The following PIP4K2A variants were observed in gnomAD, a reference collection of about 807,000 sequenced individuals.
PIP4K2A encodes the protein phosphatidylinositol-5-phosphate 4-kinase type 2 alpha, also known as phosphatidylinositol 5-phosphate 4-kinase type-2 alpha.
A neutral mutation model predicts 42.9 loss-of-function variants in PIP4K2A; 14 were observed. That is an observed-to-expected ratio of 0.33 (90% CI 0.22 to 0.51). The LOEUF (loss-of-function observed/expected upper bound fraction) is 0.51, where lower values mean the gene tolerates loss of function less well. Among genes scored for constraint, PIP4K2A ranks in the 20% least tolerant of loss-of-function variants. The probability of loss-of-function intolerance (pLI) is 0.97; values close to 1 mark genes in which losing one functional copy is unlikely to be tolerated. For missense variants in PIP4K2A, 434 were observed against 519.8 expected (o/e 0.83, Z 1.61); for synonymous variants, 192 against 192.2 (o/e 1.00, Z 0.01).
At chr10:22,590,057 G>A (rs956234505) in intron 4 of PIP4K2A, among the ~76,000 whole-genome samples, 2 of 152,148 alleles carry the variant, frequency 1.3e-5, no homozygotes, top group African/African-American at 2.4e-5. Flanking sequence ...AGTGACAGAA[G>A]AGTGCTTTTG....
chr10:22,552,000 G>A (rs942282285), intron 6 of PIP4K2A, among the ~76,000 whole-genome samples: 1 of 152,178 alleles, frequency 6.6e-6, no homozygotes. Context: ...TTCTAAATTA[G>A]TCGCTTTGGC....
At chr10:22,573,737 A>G (rs1837044530) in intron 4 of PIP4K2A, among the ~76,000 whole-genome samples, 1 of 152,246 alleles carries the variant, frequency 6.6e-6, no homozygotes. Flanking sequence ...CGTGTAAGGC[A>G]AGAGGACATG....
At chr10:22,707,091 TG>T (rs1425878423) in intron 1 of PIP4K2A, among the ~76,000 whole-genome samples, 1 of 152,178 alleles carries the variant, frequency 6.6e-6, no homozygotes, top group African/African-American at 2.4e-5. Context: ...GAGACCAGCC[TG>T]GCCAATACAG....
chr10:22,612,540 C>A (rs555530412), intron 1 of PIP4K2A, among the ~76,000 whole-genome samples: 3 of 152,126 alleles, frequency 2.0e-5, no homozygotes, highest in Non-Finnish European at 4.4e-5. Flanking sequence ...CCAGGAGCAC[C>A]GGGAAGCGGC....
intron 4 of PIP4K2A, among the ~76,000 whole-genome samples, chr10:22,574,442 C>T (rs55925513): frequency 0.067 from 1,035 of 15,364 alleles, 26 homozygotes; most frequent in Non-Finnish European, 0.064. Context: ...TTTTCATTTT[C>T]TGTTTTTTTT....
Position 22,538,149 on chromosome 10 carries a change from G to T in PIP4K2A, c.1141-868C>A, listed in dbSNP as rs143761380. Among the ~76,000 whole-genome samples, 550 of 152,362 alleles carry T rather than the reference G, an allele frequency of 3.6e-3. 3 individuals carry two copies. The highest frequency in any genetic ancestry group is 0.012 in the African/African-American group (495 of 41,578). On this transcript the variant is annotated intron_variant, in intron 9 of 9. Coordinates refer to ENST00000376573, the MANE Select transcript of PIP4K2A (RefSeq NM_005028.5). Reference sequence around the variant, plus strand: ...GACACCCATGTTCACCGGGGAACTTGTAATATTTCCAGGCCTCGGCTGCAT... The same window carrying T: ...GACACCCATGTTCACCGGGGAACTTTTAATATTTCCAGGCCTCGGCTGCAT...
intron 5 of PIP4K2A, among the ~76,000 whole-genome samples, chr10:22,570,663 A>C (rs1836962655): frequency 6.6e-6 from 1 of 152,264 alleles, no homozygotes; most frequent in African/African-American, 2.4e-5. Context: ...CTGGGGTCCC[A>C]AGACCAAAAC....
At chr10:22,553,176 A>T (rs1836453491) in intron 6 of PIP4K2A, among the ~76,000 whole-genome samples, 1 of 152,230 alleles carries the variant, frequency 6.6e-6, no homozygotes, top group African/African-American at 2.4e-5. Context: ...CAGATTGGCT[A>T]AAAGACTTAA....
chr10:22,632,332 CCATATGG>C, intron 1 of PIP4K2A, among the ~76,000 whole-genome samples: 1 of 151,924 alleles, frequency 6.6e-6, no homozygotes, highest in East Asian at 1.9e-4. Context: ...TGGGTGAAGG[CCATATGG>C]GAGTTCTTTG....
intron 4 of PIP4K2A, among the ~76,000 whole-genome samples, chr10:22,580,508 CAGTG>C (rs1206645605): frequency 6.6e-6 from 1 of 151,868 alleles, no homozygotes; most frequent in African/African-American, 2.4e-5. Flanking sequence ...AAAAGAAAGA[CAGTG>C]AGAAGAAGAG....
chr10:22,617,060 T>C (rs901999960), intron 1 of PIP4K2A, among the ~76,000 whole-genome samples: 4 of 152,344 alleles, frequency 2.6e-5, no homozygotes, highest in South Asian at 4.1e-4. Context: ...TAAATTACTA[T>C]ATAGCCCAAC....
intron 1 of PIP4K2A, among the ~76,000 whole-genome samples, chr10:22,642,427 T>C (rs567664164): frequency 2.0e-5 from 3 of 152,284 alleles, no homozygotes; most frequent in African/African-American, 7.2e-5. Context: ...TCACTCAGAA[T>C]GTCACTAATA....
intron 1 of PIP4K2A, among the ~76,000 whole-genome samples, chr10:22,656,752 G>A (rs566797781): frequency 2.1e-4 from 31 of 150,786 alleles, no homozygotes; most frequent in Admixed American, 1.1e-3. Context: ...AGCCGAGATC[G>A]TGCCACTGCA....
chr10:22,562,236 C>A (rs199513694), intron 6 of PIP4K2A, among the ~76,000 whole-genome samples: 3 of 20,350 alleles, frequency 1.5e-4, no homozygotes, highest in African/African-American at 2.2e-4. Flanking sequence ...GTTAAAAAAA[C>A]AAACAAACAA....
At chr10:22,705,521 G>A (rs1464432337) in intron 1 of PIP4K2A, among the ~76,000 whole-genome samples, 1 of 146,644 alleles carries the variant, frequency 6.8e-6, no homozygotes, top group Non-Finnish European at 1.5e-5. Flanking sequence ...ACTGAGGTAG[G>A]CCTAAATTCC....
intron 7 of PIP4K2A, among the ~76,000 whole-genome samples, chr10:22,545,072 C>T (rs773661669): frequency 6.6e-6 from 1 of 152,224 alleles, no homozygotes; most frequent in Non-Finnish European, 1.5e-5. Context: ...ATTCCCGAAT[C>T]CCGGCAGGCA....
At chr10:22,556,824 T>C (rs1221838569) in intron 6 of PIP4K2A, among the ~76,000 whole-genome samples, 5 of 152,222 alleles carry the variant, frequency 3.3e-5, no homozygotes, top group African/African-American at 9.7e-5. Context: ...ACATTTATTA[T>C]AGACATTTCT....
chr10:22,675,100 G>C (rs925709327), intron 1 of PIP4K2A, among the ~76,000 whole-genome samples: 5 of 152,154 alleles, frequency 3.3e-5, no homozygotes, highest in African/African-American at 1.2e-4. Flanking sequence ...TCACTGATAC[G>C]TGACATCTTT....
intron 4 of PIP4K2A, among the ~76,000 whole-genome samples, chr10:22,589,662 A>G (rs2130818925): frequency 6.6e-6 from 1 of 152,376 alleles, no homozygotes; most frequent in African/African-American, 2.4e-5. Context: ...TTAGAGCATC[A>G]TGCATGAACA....
Sources: gnomAD v4.1 joint callset for allele counts (sites outside exome capture counted in the v4.1 genomes callset) on GRCh38, gnomAD v4.1.1 for gene constraint, MANE v1.5 for transcripts, NCBI Gene and HGNC (gene_info 2026-07-23, HGNC 2026-07-21) for gene names.